Variants in GABRG3 observed in about 807,000 individuals in gnomAD.
The protein encoded by GABRG3 is gamma-aminobutyric acid type A receptor subunit gamma3.
In GABRG3, 25 loss-of-function variants were observed where a neutral mutation model predicts 48.8. That is an observed-to-expected ratio of 0.51 (90% CI 0.37 to 0.72). GABRG3 has a LOEUF of 0.72. GABRG3 is among the 30% of genes least tolerant of loss of function. GABRG3 has a pLI of 0.00. For synonymous variants in GABRG3, 227 were observed against 217.6 expected (o/e 1.04, Z -0.38); for missense variants, 394 against 577.9 (o/e 0.68, Z 3.26).
At chr15:27,284,234 A>G (rs1891533574) in intron 3 of GABRG3, among the ~76,000 whole-genome samples, 1 of 152,244 alleles carries the variant, frequency 6.6e-6, no homozygotes. Context: ...GGGGCTTATT[A>G]TAAAAGGTAA....
chr15:27,360,510 A>G (rs1406653934), intron 5 of GABRG3, among the ~76,000 whole-genome samples: 1 of 152,202 alleles, frequency 6.6e-6, no homozygotes, highest in Non-Finnish European at 1.5e-5. Flanking sequence ...TTTTATCAGC[A>G]TGAATCACCA....
chr15:27,177,442 A>G (rs1056213954), intron 3 of GABRG3, among the ~76,000 whole-genome samples: 3 of 152,252 alleles, frequency 2.0e-5, no homozygotes, highest in Non-Finnish European at 2.9e-5. Flanking sequence ...TTTTAGCAGT[A>G]TTCAAGCCCC....
intron 3 of GABRG3, among the ~76,000 whole-genome samples, chr15:27,276,023 C>A (rs1408625470): frequency 6.6e-6 from 1 of 152,200 alleles, no homozygotes; most frequent in Non-Finnish European, 1.5e-5. Context: ...CCTGCAGGAC[C>A]ACAGGACTTG....
intron 6 of GABRG3, among the ~76,000 whole-genome samples, chr15:27,502,423 A>G (rs1192425623): frequency 2.0e-5 from 3 of 152,178 alleles, no homozygotes; most frequent in Non-Finnish European, 4.4e-5. Flanking sequence ...GCTTTATCCT[A>G]TTCCCTCACT....
chr15:27,529,905 AGAG>A (rs1446484411), intron 9 of GABRG3, among the ~76,000 whole-genome samples: 51 of 147,624 alleles, frequency 3.5e-4, no homozygotes, highest in African/African-American at 1.3e-3. Context: ...AAAAAAAAAA[AGAG>A]AAAGTGGGAA....
rs576976893 is a variant in GABRG3 at position 27,510,892 on chromosome 15, A to G, written c.713-9080A>G. Among the ~76,000 whole-genome samples the G allele has an allele frequency of 6.3e-4, 95 of 151,450 alleles. 1 individual carries two copies. The highest frequency in any genetic ancestry group is 2.2e-3 in the African/African-American group (90 of 40,860). ...CACTTTTTGTTTCAAAATATGTAAT[A>G]CTTTAAATATTTTTTTCTTGCAGTG... is the stretch of plus-strand genomic sequence containing the variant. On this transcript the variant is annotated intron_variant, in intron 6 of 9. Coordinates refer to ENST00000615808, the MANE Select transcript of GABRG3 (RefSeq NM_033223.5).
chr15:27,499,959 C>A (rs1890578643), intron 6 of GABRG3, among the ~76,000 whole-genome samples: 2 of 152,324 alleles, frequency 1.3e-5, no homozygotes, highest in Admixed American at 6.5e-5. Flanking sequence ...GCTTGAGAGC[C>A]AAGTCCCCTG....
intron 3 of GABRG3, among the ~76,000 whole-genome samples, chr15:27,238,448 C>T (rs925256588): frequency 6.6e-6 from 1 of 152,202 alleles, no homozygotes; most frequent in African/African-American, 2.4e-5. Context: ...ATTAGGGAGG[C>T]CACCGCGGGA....
At chr15:27,306,178 C>T (rs1004776200) in intron 3 of GABRG3, among the ~76,000 whole-genome samples, 1 of 128,888 alleles carries the variant, frequency 7.8e-6, no homozygotes, top group Non-Finnish European at 1.6e-5. Context: ...TATATATAAA[C>T]ATATAATATA....
chr15:27,351,320 G>A (rs571690225), intron 5 of GABRG3, among the ~76,000 whole-genome samples: 56 of 146,734 alleles, frequency 3.8e-4, no homozygotes, highest in Non-Finnish European at 6.0e-4. Flanking sequence ...TGGTGTATGT[G>A]TATGGTGTGT....
At chr15:27,378,253 T>A (rs1895660778) in intron 5 of GABRG3, among the ~76,000 whole-genome samples, 1 of 152,136 alleles carries the variant, frequency 6.6e-6, no homozygotes. Context: ...AAAGCTGAAA[T>A]TTAAAAAAAT....
At chr15:27,162,260 A>G (rs994607739) in intron 3 of GABRG3, among the ~76,000 whole-genome samples, 1 of 152,164 alleles carries the variant, frequency 6.6e-6, no homozygotes, top group Non-Finnish European at 1.5e-5. Context: ...TGGTCCACAG[A>G]GTTAGGGATC....
At chr15:27,058,054 T>C (rs1257785121) in intron 3 of GABRG3, among the ~76,000 whole-genome samples, 2 of 152,170 alleles carry the variant, frequency 1.3e-5, no homozygotes, top group Non-Finnish European at 1.5e-5. Context: ...CATACAGGCT[T>C]TGCCCGTGGT....
rs957060646 is a variant in GABRG3, at chr15:27,319,355, A to G, written c.271-7454A>G. On this transcript the variant is annotated intron_variant, in intron 3 of 9. Transcript: ENST00000615808. The surrounding 1 kb of genome is among the most constrained non-coding windows in gnomAD (Gnocchi z 4.4). Reference sequence around the variant, plus strand: ...TCATATTGTTGTGAACATTGGGTACAGTGGGGCTATGTCAATTATTTGGAA... The same window carrying G: ...TCATATTGTTGTGAACATTGGGTACGGTGGGGCTATGTCAATTATTTGGAA... Among the ~76,000 whole-genome samples the G allele has an allele frequency of 2.6e-5, 4 of 152,154 alleles. No homozygotes were observed. Among genetic ancestry groups the G allele is most frequent in the African/African-American group, 9.7e-5 (4 of 41,436 alleles).
intron 3 of GABRG3, among the ~76,000 whole-genome samples, chr15:27,118,638 T>C (rs1012971025): frequency 6.6e-6 from 1 of 152,214 alleles, no homozygotes; most frequent in African/African-American, 2.4e-5. Context: ...ATAAAATTGG[T>C]AACATAAAAT....
At chr15:27,421,192 C>T (rs75033486) in intron 5 of GABRG3, among the ~76,000 whole-genome samples, 2,555 of 152,252 alleles carry the variant, frequency 0.017, 36 homozygotes, top group Non-Finnish European at 0.027. Flanking sequence ...GTCTCAATTC[C>T]CTGGTGCTCA....
rs190188981 is a variant in GABRG3, at chr15:27,285,016, G to A, written c.271-41793G>A. On this transcript the variant is annotated intron_variant, in intron 3 of 9. Transcript: ENST00000615808. ...TTATTTCCTTAAATTTGTTCTGAGG[G>A]TTTCTTTTACTTTGGATATAATAAA... 2.4e-3 allele frequency among the ~76,000 whole-genome samples: 364 copies of A among 152,186 alleles called. 3 individuals carry two copies. The highest frequency in any genetic ancestry group is 3.2e-3 in the Non-Finnish European group (217 of 68,012).
At position 27,352,251 on chromosome 15, in the gene GABRG3, A is replaced by G. The variant is rs1454053370; in HGVS notation, c.574+23363A>G. 6.6e-6 allele frequency among the ~76,000 whole-genome samples: 1 copy of G among 151,572 alleles called. No individual in the cohort carries two copies. Among genetic ancestry groups the G allele is most frequent in the Middle Eastern group, 3.2e-3 (1 of 316 alleles). ...GGGATTCTGCCAGACCGTTCAGCTAATCTCCGTCTCGCGCTCACTGTTCAC... is the reference window on the plus strand; with the variant it reads ...GGGATTCTGCCAGACCGTTCAGCTAGTCTCCGTCTCGCGCTCACTGTTCAC... On this transcript the variant is annotated intron_variant, in intron 5 of 9. Transcript: ENST00000615808. This position sits in a 1 kb window ranked among gnomAD's most constrained non-coding sequence, Gnocchi z 4.0.
intron 3 of GABRG3, among the ~76,000 whole-genome samples, chr15:27,316,827 GT>G: frequency 6.6e-6 from 1 of 150,666 alleles, no homozygotes; most frequent in African/African-American, 2.4e-5. Flanking sequence ...TTTTGGTGTG[GT>G]TTTTTTTTCA....
Sources: gnomAD v4.1 joint callset for allele counts (sites outside exome capture counted in the v4.1 genomes callset) on GRCh38, gnomAD v4.1.1 for gene constraint, Gnocchi (gnomAD v3.1) non-coding constraint, MANE v1.5 for transcripts, NCBI Gene and HGNC (gene_info 2026-07-23, HGNC 2026-07-21) for gene names.